TPD52L1: variants seen among roughly 807,000 people sequenced by gnomAD.
TPD52L1 encodes tumor protein D53.
TPD52L1 carries 18 observed loss-of-function variants against 28.7 expected under a neutral mutation model. That is an observed-to-expected ratio of 0.63 (90% CI 0.43 to 0.93). TPD52L1 has a LOEUF of 0.93. Among genes scored for constraint, TPD52L1 ranks in the 40% least tolerant of loss-of-function variants. TPD52L1 has a pLI of 0.00. For synonymous variants in TPD52L1, 75 were observed against 88.8 expected (o/e 0.84, Z 0.88); for missense variants, 203 against 254.8 (o/e 0.80, Z 1.39).
At chr6:125,164,911 C>T (rs566358) in intron 1 of TPD52L1, among the ~76,000 whole-genome samples, 66,025 of 150,572 alleles carry the variant, frequency 0.44, 15,093 homozygotes, top group African/African-American at 0.58. Context: ...ACTTCTGTTG[C>T]GAAATGTCCC....
At chr6:125,225,797 G>A (rs1182830925) in intron 2 of TPD52L1, among the ~76,000 whole-genome samples, 1 of 152,132 alleles carries the variant, frequency 6.6e-6, no homozygotes, top group Non-Finnish European at 1.5e-5. Flanking sequence ...GAATCTCTGA[G>A]GATGCTTGCT....
chr6:125,188,585 C>T (rs1582889213), intron 1 of TPD52L1, among the ~76,000 whole-genome samples: 1 of 152,144 alleles, frequency 6.6e-6, no homozygotes. Context: ...AAATAATGAA[C>T]AAAATTTTAT....
intron 3 of TPD52L1, among the ~76,000 whole-genome samples, chr6:125,241,902 A>T (rs1190624814): frequency 6.7e-6 from 1 of 148,600 alleles, no homozygotes; most frequent in Non-Finnish European, 1.5e-5. Flanking sequence ...TAGTTCCTTG[A>T]GATGTGACAT....
At chr6:125,225,776 T>C (rs1236886139) in intron 2 of TPD52L1, among the ~76,000 whole-genome samples, 1 of 152,214 alleles carries the variant, frequency 6.6e-6, no homozygotes, top group Non-Finnish European at 1.5e-5. Flanking sequence ...GTTTCCATAC[T>C]CCTTGTATCA....
At chr6:125,188,933 G>A (rs745858352) in intron 1 of TPD52L1, among the ~76,000 whole-genome samples, 1 of 152,196 alleles carries the variant, frequency 6.6e-6, no homozygotes, top group Non-Finnish European at 1.5e-5. Context: ...GGTTCCTTAA[G>A]GTAGTTTTAA....
chr6:125,204,081 A>G (rs1197701811), intron 1 of TPD52L1, among the ~76,000 whole-genome samples: 5 of 152,182 alleles, frequency 3.3e-5, no homozygotes, highest in Non-Finnish European at 7.3e-5. Flanking sequence ...GGTGTCTTTA[A>G]TTACCAAGTG....
intron 3 of TPD52L1, among the ~76,000 whole-genome samples, chr6:125,242,061 A>G (rs976917890): frequency 3.9e-5 from 6 of 152,050 alleles, no homozygotes; most frequent in Non-Finnish European, 8.8e-5. Flanking sequence ...TTTAATTTCC[A>G]TCTTGATTTC....
In TPD52L1 at chr6:125,153,797, G is replaced by C. The variant is rs562994176; in HGVS notation, c.-155G>C. 312 of 789,072 alleles carry C rather than the reference G, an allele frequency of 4.0e-4. 3 individuals are homozygous for C. Among genetic ancestry groups the C allele is most frequent in the South Asian group, 2.9e-3 (143 of 48,544 alleles). 48.9% of individuals were successfully genotyped at this position (789,072 alleles called of 1,614,324 possible). A position where few individuals can be genotyped will look rare whatever the true frequency, so the allele number is the denominator to read the frequency against. On this transcript the variant is annotated 5_prime_UTR_variant, in exon 1 of 7. Transcript: ENST00000534000. Reference sequence around the variant, plus strand: ...CAGAAGCGGCTAGTGGCGGCTGCCTGCGTCCCCAACCCCCTCCGCGCAGCG... The same window carrying C: ...CAGAAGCGGCTAGTGGCGGCTGCCTCCGTCCCCAACCCCCTCCGCGCAGCG...
chr6:125,200,774 C>T (rs143694499), intron 1 of TPD52L1, among the ~76,000 whole-genome samples: 3 of 152,294 alleles, frequency 2.0e-5, no homozygotes, highest in East Asian at 3.9e-4. Flanking sequence ...CTAGTCAATA[C>T]ATGTCAATCC....
At chr6:125,218,782 A>C (rs1795044418) in intron 1 of TPD52L1, among the ~76,000 whole-genome samples, 1 of 152,242 alleles carries the variant, frequency 6.6e-6, no homozygotes, top group African/African-American at 2.4e-5. Context: ...CAATCTATTA[A>C]AAACTCTTCT....
At chr6:125,215,986 C>G (rs1026350417) in intron 1 of TPD52L1, among the ~76,000 whole-genome samples, 186 of 152,222 alleles carry the variant, frequency 1.2e-3, no homozygotes, top group African/African-American at 4.0e-3. Context: ...GGGGAGAAGT[C>G]CACAGTGTGT....
chr6:125,159,162 G>A (rs987420178), intron 1 of TPD52L1, among the ~76,000 whole-genome samples: 3 of 152,180 alleles, frequency 2.0e-5, no homozygotes, highest in Admixed American at 2.0e-4. Flanking sequence ...TTTATATATA[G>A]CCTGTAATGC....
intron 3 of TPD52L1, among the ~76,000 whole-genome samples, chr6:125,244,822 T>G (rs951645710): frequency 6.6e-6 from 1 of 152,152 alleles, no homozygotes; most frequent in African/African-American, 2.4e-5. Flanking sequence ...TGCCCAGCAC[T>G]GCAATTGTGT....
chr6:125,254,980 T>C (rs1335256945), intron 5 of TPD52L1, among the ~76,000 whole-genome samples: 1 of 152,252 alleles, frequency 6.6e-6, no homozygotes, highest in Admixed American at 6.5e-5. Context: ...TAGTTCTCTG[T>C]ATTTGGTGGT....
chr6:125,196,867 C>G (rs1386907489), intron 1 of TPD52L1, among the ~76,000 whole-genome samples: 1 of 152,100 alleles, frequency 6.6e-6, no homozygotes, highest in East Asian at 1.9e-4. Context: ...GCAGATCCAG[C>G]ATTGGAATTC....
At chr6:125,188,043 T>C (rs371357486) in intron 1 of TPD52L1, among the ~76,000 whole-genome samples, 2 of 152,320 alleles carry the variant, frequency 1.3e-5, no homozygotes, top group African/African-American at 4.8e-5. Context: ...GACGTTTCTA[T>C]TGAGAAGAGG....
chr6:125,262,560 C>A, intron 6 of TPD52L1: 1 of 326,616 alleles, frequency 3.1e-6, no homozygotes, highest in Non-Finnish European at 5.7e-6. Context: ...TCCGATTATG[C>A]TCCTGAAGGG....
intron 2 of TPD52L1, among the ~76,000 whole-genome samples, chr6:125,225,751 T>C (rs2114977741): frequency 6.6e-6 from 1 of 152,340 alleles, no homozygotes; most frequent in Admixed American, 6.5e-5. Context: ...CTTACAGAAG[T>C]ACTTACAGTT....
chr6:125,187,243 T>C (rs767974220), intron 1 of TPD52L1, among the ~76,000 whole-genome samples: 19 of 152,216 alleles, frequency 1.2e-4, no homozygotes, highest in Admixed American at 3.3e-4. Flanking sequence ...TATGGCATTA[T>C]GCTATATCCC....
Sources: gnomAD v4.1 joint callset for allele counts (sites outside exome capture counted in the v4.1 genomes callset) on GRCh38, gnomAD v4.1.1 for gene constraint, MANE v1.5 for transcripts, NCBI Gene and HGNC (gene_info 2026-07-23, HGNC 2026-07-21) for gene names.